CTNNBL1: variants seen among roughly 807,000 people sequenced by gnomAD.
CTNNBL1 encodes beta-catenin-like protein 1.
In CTNNBL1, 31 loss-of-function variants were observed where a neutral mutation model predicts 72.7. The ratio of observed to expected loss-of-function variants is 0.43; its 90% confidence interval spans 0.32 to 0.58. The LOEUF is 0.58. CTNNBL1 is among the 20% of genes least tolerant of loss of function. The pLI is 0.08. For missense variants in CTNNBL1, 534 were observed against 725.1 expected, an observed-to-expected ratio of 0.74 and a Z score of 3.03; for synonymous variants, 240 against 267.3, an observed-to-expected ratio of 0.90 and a Z score of 1.00.
At chr20:37,729,649 G>A (rs942924845) in intron 1 of CTNNBL1, among the ~76,000 whole-genome samples, 2 of 152,114 alleles carry the variant, frequency 1.3e-5, no homozygotes, top group Non-Finnish European at 2.9e-5. Context: ...GCAGGCTCAC[G>A]CTAATCAGAA....
At chr20:37,865,534 C>T (rs1484734111) in intron 15 of CTNNBL1, among the ~76,000 whole-genome samples, 3 of 152,202 alleles carry the variant, frequency 2.0e-5, no homozygotes, top group Admixed American at 2.0e-4. Flanking sequence ...CTGGCAGCCA[C>T]TATTCTGCAT....
chr20:37,789,582 C>T (rs2073706717), intron 10 of CTNNBL1, among the ~76,000 whole-genome samples: 1 of 152,198 alleles, frequency 6.6e-6, no homozygotes, highest in Non-Finnish European at 1.5e-5. Context: ...ACAGTGCCCT[C>T]ATTGTCCCTG....
At chr20:37,753,389 C>A (rs1415061050) in intron 4 of CTNNBL1, among the ~76,000 whole-genome samples, 2 of 152,126 alleles carry the variant, frequency 1.3e-5, no homozygotes, top group African/African-American at 4.8e-5. Context: ...TCACTTTTGT[C>A]TAAAATGTTT....
intron 10 of CTNNBL1, among the ~76,000 whole-genome samples, chr20:37,792,421 G>A (rs2073732884): frequency 6.6e-6 from 1 of 152,046 alleles, no homozygotes; most frequent in African/African-American, 2.4e-5. Context: ...AGATCCTCCT[G>A]CCTCAGCCTC....
At chr20:37,787,680 C>G (rs1323731519) in intron 10 of CTNNBL1, among the ~76,000 whole-genome samples, 1 of 152,164 alleles carries the variant, frequency 6.6e-6, no homozygotes, top group Non-Finnish European at 1.5e-5. Flanking sequence ...GAAAGTTTGT[C>G]TTTCAGTAGA....
At chr20:37,800,393 CT>C (rs2073814031) in intron 10 of CTNNBL1, among the ~76,000 whole-genome samples, 2 of 152,130 alleles carry the variant, frequency 1.3e-5, no homozygotes, top group Non-Finnish European at 2.9e-5. Flanking sequence ...TTCTCACCTC[CT>C]TTTACTTTTC....
At chr20:37,787,343 GTTTTTTTT>G in intron 10 of CTNNBL1, among the ~76,000 whole-genome samples, 1 of 107,190 alleles carries the variant, frequency 9.3e-6, no homozygotes, top group South Asian at 3.1e-4. Flanking sequence ...ATAACTGTGT[GTTTTTTTT>G]TTTTTTTTTT....
chr20:37,866,712 G>A (rs1301297919), intron 15 of CTNNBL1, among the ~76,000 whole-genome samples: 1 of 152,140 alleles, frequency 6.6e-6, no homozygotes. Flanking sequence ...TTCCTCCTCT[G>A]TAAAAAACAC....
intron 1 of CTNNBL1, among the ~76,000 whole-genome samples, chr20:37,702,265 G>A (rs1003360094): frequency 1.3e-5 from 2 of 152,144 alleles, no homozygotes; most frequent in African/African-American, 4.8e-5. Context: ...CTAGTTCAAG[G>A]TTGCTTTATT....
At chr20:37,756,165 C>T (rs1239307088) in intron 4 of CTNNBL1, 2 of 152,236 alleles carry the variant, frequency 1.3e-5, no homozygotes, top group African/African-American at 4.8e-5. Context: ...CATCTGATTG[C>T]TCCTTTTCAG....
At chr20:37,790,995 G>A (rs940229521) in intron 10 of CTNNBL1, among the ~76,000 whole-genome samples, 1 of 152,138 alleles carries the variant, frequency 6.6e-6, no homozygotes, top group Non-Finnish European at 1.5e-5. Context: ...AGAATTTTAT[G>A]TAAATGGAGT....
chr20:37,735,985 TA>T (rs752069015), intron 2 of CTNNBL1, among the ~76,000 whole-genome samples: 3 of 152,230 alleles, frequency 2.0e-5, no homozygotes, highest in African/African-American at 7.2e-5. Flanking sequence ...AAACTGAAGA[TA>T]AAACGTGTGA....
chr20:37,713,307 A>T (rs2072955254), intron 1 of CTNNBL1, among the ~76,000 whole-genome samples: 1 of 152,164 alleles, frequency 6.6e-6, no homozygotes. Context: ...TAATTAGAAG[A>T]TTAAACATTT....
At chr20:37,863,065 C>T (rs1784813371) in intron 15 of CTNNBL1, among the ~76,000 whole-genome samples, 1 of 152,164 alleles carries the variant, frequency 6.6e-6, no homozygotes, top group Admixed American at 6.5e-5. Context: ...TAATGGGAAC[C>T]AGTAACAATT....
chr20:37,694,603 A>G (rs947456135), intron 1 of CTNNBL1, among the ~76,000 whole-genome samples: 8 of 152,188 alleles, frequency 5.3e-5, no homozygotes, highest in Admixed American at 1.3e-4. Flanking sequence ...TTTTGTATCT[A>G]TATAGTGGAG....
chr20:37,763,666 T>C (rs2073438490), intron 5 of CTNNBL1, among the ~76,000 whole-genome samples: 1 of 152,180 alleles, frequency 6.6e-6, no homozygotes, highest in African/African-American at 2.4e-5. Flanking sequence ...CTGGAAGTAT[T>C]GGTTGGATGA....
At chr20:37,740,098 T>A (rs1355468539) in intron 3 of CTNNBL1, among the ~76,000 whole-genome samples, 1 of 152,174 alleles carries the variant, frequency 6.6e-6, no homozygotes, top group Non-Finnish European at 1.5e-5. Context: ...TGATTTTATT[T>A]AAAAAAATCG....
At chr20:37,814,474 A>G (rs960999787) in intron 11 of CTNNBL1, among the ~76,000 whole-genome samples, 2 of 152,056 alleles carry the variant, frequency 1.3e-5, no homozygotes, top group Non-Finnish European at 2.9e-5. Flanking sequence ...TTCAGTTTCT[A>G]TTCCTAACCA....
At chr20:37,740,334 T>A (rs189018835) in intron 3 of CTNNBL1, among the ~76,000 whole-genome samples, 113 of 152,338 alleles carry the variant, frequency 7.4e-4, no homozygotes, top group African/African-American at 2.4e-3. Context: ...CTAGAGTGTA[T>A]TCGGATGAAA....
Sources: gnomAD v4.1 joint callset for allele counts (sites outside exome capture counted in the v4.1 genomes callset) on GRCh38, gnomAD v4.1.1 for gene constraint, MANE v1.5 for transcripts, NCBI Gene and HGNC (gene_info 2026-07-23, HGNC 2026-07-21) for gene names.